IL1RAPL1: variants seen among roughly 807,000 people sequenced by gnomAD.
The protein encoded by IL1RAPL1 is interleukin 1 receptor accessory protein like 1, also known as interleukin-1 receptor accessory protein-like 1.
A neutral mutation model predicts 48.4 loss-of-function variants in IL1RAPL1; 3 were observed. The observed-to-expected ratio is 0.06, with a 90% CI of 0.03 to 0.16. The LOEUF (loss-of-function observed/expected upper bound fraction) is 0.16, where lower values mean the gene tolerates loss of function less well. IL1RAPL1 is among the 10% of genes least tolerant of loss of function. The pLI, the probability that IL1RAPL1 is intolerant of heterozygous loss-of-function variation, is 1.00. For missense variants in IL1RAPL1, 349 were observed against 530.6 expected, an observed-to-expected ratio of 0.66 and a Z score of 3.36; for synonymous variants, 185 against 187.7, an observed-to-expected ratio of 0.99 and a Z score of 0.12.
At chrX:28,851,839 G>A (rs1921670274) in intron 2 of IL1RAPL1, among the ~76,000 whole-genome samples, 1 of 112,196 alleles carries the variant, frequency 8.9e-6, no homozygotes, top group African/African-American at 3.2e-5. Flanking sequence ...AATAATCAAA[G>A]CCACTATTTG....
intron 6 of IL1RAPL1, among the ~76,000 whole-genome samples, chrX:29,776,463 C>T (rs947740175): frequency 8.9e-6 from 1 of 111,868 alleles, no homozygotes; most frequent in African/African-American, 3.2e-5. Context: ...ATAACTCTGT[C>T]CTATATTGTA....
At chrX:29,043,193 A>G (rs1319510271) in intron 2 of IL1RAPL1, among the ~76,000 whole-genome samples, 1 of 111,296 alleles carries the variant, frequency 9.0e-6, no homozygotes, top group African/African-American at 3.3e-5. Flanking sequence ...AAATACTTAC[A>G]TTTCTCTATG....
intron 1 of IL1RAPL1, among the ~76,000 whole-genome samples, chrX:28,715,133 T>C (rs1935488041): frequency 8.9e-6 from 1 of 112,201 alleles, no homozygotes; most frequent in African/African-American, 3.2e-5. Context: ...CTAAAATTGA[T>C]CGTATAATCA....
rs34694649 is a variant in IL1RAPL1 at position 29,429,894 on chromosome X, G to GTGGTGTGTGT, written c.703+30586_703+30587insTGGTGTGTGT. 6.3e-3 allele frequency among the ~76,000 whole-genome samples: 534 copies of GTGGTGTGTGT among 85,093 alleles called. 8 individuals are homozygous for GTGGTGTGTGT. The highest frequency in any genetic ancestry group is 0.024 in the African/African-American group (514 of 21,246). The allele number at this position is 85,093 out of a possible 115,157, so 73.9% of individuals were successfully genotyped here. A position where few individuals can be genotyped will look rare whatever the true frequency, so the allele number is the denominator to read the frequency against. On this transcript the variant is annotated intron_variant, in intron 5 of 10. Transcript: ENST00000378993. ...AGTGTATATATATGTGTGTGTGTGT[G>GTGGTGTGTGT]GTGTGTGTGTGTGTGTGTGTGTGTG...
chrX:28,961,106 CT>C (rs1206078695), intron 2 of IL1RAPL1, among the ~76,000 whole-genome samples: 1 of 104,259 alleles, frequency 9.6e-6, no homozygotes, highest in Non-Finnish European at 1.9e-5. Flanking sequence ...AAACAGATAG[CT>C]TATGCCCATA....
intron 3 of IL1RAPL1, among the ~76,000 whole-genome samples, chrX:29,362,829 T>C: frequency 8.9e-6 from 1 of 112,373 alleles, no homozygotes. Flanking sequence ...TTGTGTTAGA[T>C]CATCTAAAAC....
chrX:28,625,497 A>G (rs1386187819), intron 1 of IL1RAPL1, among the ~76,000 whole-genome samples: 1 of 111,814 alleles, frequency 8.9e-6, no homozygotes, highest in Non-Finnish European at 1.9e-5. Flanking sequence ...TTTAGCAAAC[A>G]CATGGGAAGG....
At chrX:29,058,614 A>C (rs1341296207) in intron 2 of IL1RAPL1, among the ~76,000 whole-genome samples, 3 of 112,147 alleles carry the variant, frequency 2.7e-5, no homozygotes, top group African/African-American at 9.7e-5. Flanking sequence ...GGGGCATTCC[A>C]GGTACTACAG....
intron 2 of IL1RAPL1, among the ~76,000 whole-genome samples, chrX:28,997,199 A>T (rs1372872421): frequency 9.0e-6 from 1 of 111,448 alleles, no homozygotes; most frequent in Admixed American, 9.6e-5. Context: ...TACATGAAAA[A>T]ACTGCCAAAA....
intron 5 of IL1RAPL1, among the ~76,000 whole-genome samples, chrX:29,468,922 G>A (rs1382248530): frequency 9.0e-6 from 1 of 111,379 alleles, no homozygotes. Flanking sequence ...TTAGCTACTG[G>A]GTACTCCTAA....
At chrX:29,008,668 AT>A (rs1926049097) in intron 2 of IL1RAPL1, among the ~76,000 whole-genome samples, 1 of 110,585 alleles carries the variant, frequency 9.0e-6, no homozygotes, top group South Asian at 3.8e-4. Context: ...TATTCACTTT[AT>A]TTTTTTCAGC....
intron 5 of IL1RAPL1, among the ~76,000 whole-genome samples, chrX:29,413,142 G>A (rs1418214810): frequency 1.8e-5 from 2 of 110,664 alleles, no homozygotes; most frequent in African/African-American, 6.6e-5. Flanking sequence ...GAAAAAGGGA[G>A]TTCCCCTGCA....
intron 2 of IL1RAPL1, among the ~76,000 whole-genome samples, chrX:29,087,458 G>A (rs1927979482): frequency 9.0e-6 from 1 of 110,756 alleles, no homozygotes; most frequent in Non-Finnish European, 1.9e-5. Flanking sequence ...TTATTTTATC[G>A]ACAGCAACTA....
chrX:29,639,709 T>G (rs187561257), intron 5 of IL1RAPL1, among the ~76,000 whole-genome samples: 2 of 110,803 alleles, frequency 1.8e-5, no homozygotes, highest in African/African-American at 6.6e-5. Context: ...GCAAGATTAT[T>G]TCATTCATTT....
intron 2 of IL1RAPL1, among the ~76,000 whole-genome samples, chrX:29,051,228 G>C (rs1319330665): frequency 9.0e-6 from 1 of 111,536 alleles, no homozygotes; most frequent in Admixed American, 9.6e-5. Flanking sequence ...AGAATATTGA[G>C]GGAAAATAAA....
intron 2 of IL1RAPL1, among the ~76,000 whole-genome samples, chrX:29,142,698 AT>A (rs11449399): frequency 5.5e-4 from 57 of 104,024 alleles, no homozygotes; most frequent in South Asian, 1.2e-3. Flanking sequence ...ATGTTAGAGA[AT>A]TTTTTTTTTT....
intron 1 of IL1RAPL1, among the ~76,000 whole-genome samples, chrX:28,744,435 A>C (rs1935948124): frequency 9.0e-6 from 1 of 111,625 alleles, no homozygotes; most frequent in African/African-American, 3.3e-5. Flanking sequence ...ACAGGTCTTA[A>C]ATTTTATAAG....
At chrX:29,427,064 T>A (rs2147708943) in intron 5 of IL1RAPL1, among the ~76,000 whole-genome samples, 1 of 111,437 alleles carries the variant, frequency 9.0e-6, no homozygotes, top group South Asian at 3.8e-4. Flanking sequence ...ACCAAAATAT[T>A]AAGAACATTT....
At position 28,957,388 on chromosome X, in the gene IL1RAPL1, AATG is replaced by A. The variant is rs750949057; in HGVS notation, c.82+167966_82+167968del. On this transcript the variant is annotated intron_variant, in intron 2 of 10. Transcript: ENST00000378993. ...TTCATTTTATTTTTAGTCTCCATTT[AATG>A]ATAACTAAATTTTAAATATTTTAAG... is the stretch of plus-strand genomic sequence containing the variant. Among the ~76,000 whole-genome samples, 22 of 112,202 alleles carry A rather than the reference AATG, an allele frequency of 2.0e-4. No homozygotes were observed. In the South Asian group the frequency reaches 2.6e-3, roughly 13 times the overall value.
Sources: gnomAD v4.1 joint callset for allele counts (sites outside exome capture counted in the v4.1 genomes callset) on GRCh38, gnomAD v4.1.1 for gene constraint, MANE v1.5 for transcripts, NCBI Gene and HGNC (gene_info 2026-07-23, HGNC 2026-07-21) for gene names.